The following ZNF469 variants were observed in gnomAD, a reference collection of about 807,000 sequenced individuals.
ZNF469 encodes the protein zinc finger protein 469.
In ZNF469, 1 loss-of-function variant was observed where a neutral mutation model predicts 1.0. The ratio of observed to expected loss-of-function variants is 1.00; its 90% CI spans 0.35 to 4.73. The LOEUF is 4.73. Among genes scored for constraint, ZNF469 ranks in the 30% most tolerant of loss-of-function variants. The pLI, the probability that ZNF469 is intolerant of heterozygous loss-of-function variation, is 0.16. For missense variants in ZNF469, 6,100 were observed against 5,356.3 expected (o/e 1.14, Z -4.33); for synonymous variants, 2,703 against 2,363.4 (o/e 1.14, Z -4.17).
Position 88,434,934 on chromosome 16 carries a change from C to G in ZNF469, c.7464C>G (p.Ser2488Arg). The G allele has an allele frequency of 2.6e-6, 4 of 1,550,120 alleles. No homozygotes were observed. The highest frequency in any genetic ancestry group is 3.5e-6 in the Non-Finnish European group (4 of 1,146,966). Reference sequence around the variant, plus strand: ...CCTTCCGCTCCGGGCCGGGCCTGAGCCGGCACAAGGCCAGGAAGCACCGGC... The same window carrying G: ...CCTTCCGCTCCGGGCCGGGCCTGAGGCGGCACAAGGCCAGGAAGCACCGGC... ...AASFRSGPGL[S>R]RHKARKHRPH... is the part of the protein sequence containing the mutation. The change falls in exon 3 of 3, where the codon AGC becomes AGG. Residue 2488 changes from serine (S) to arginine (R), a missense_variant. Coordinates refer to ENST00000565624, the MANE Select transcript of ZNF469 (RefSeq NM_001367624.2).
At chr16:88,145,923 C>T in the ZNF469 span, among the ~76,000 whole-genome samples, 2 of 152,234 alleles carry the variant, frequency 1.3e-5, no homozygotes, top group East Asian at 1.9e-4. Context: ...CCCAGCGGTC[C>T]GGCCTCTGGG....
chr16:88,313,087 G>A, the ZNF469 span, among the ~76,000 whole-genome samples: 1 of 152,082 alleles, frequency 6.6e-6, no homozygotes, highest in Non-Finnish European at 1.5e-5. Context: ...TCAGTGTTAG[G>A]GTCTTCCCTT....
the ZNF469 span, among the ~76,000 whole-genome samples, chr16:88,146,158 C>G: frequency 2.0e-5 from 3 of 152,226 alleles, no homozygotes; most frequent in Non-Finnish European, 4.4e-5. Context: ...ACAGTCCAGG[C>G]TGCTCAGGCA....
At chr16:88,285,954 CT>C in the ZNF469 span, among the ~76,000 whole-genome samples, 1 of 152,266 alleles carries the variant, frequency 6.6e-6, no homozygotes, top group African/African-American at 2.4e-5. Context: ...AGGCCGCTCA[CT>C]CTGGCATTGT....
chr16:88,439,267 A>G lies in ZNF469; in HGVS notation c.11797A>G (p.Ser3933Gly), dbSNP rs1906838745. The part of the protein sequence containing the change: ...RTAEAQSDLL[S>G]QLFGQRLTGF... ...GGCCGAGGCCCAGAGTGACCTCCTC[A>G]GCCAGCTCTTCGGGCAGAGACTAAC... Residue 3933 changes from serine (S) to glycine (G), a missense_variant, in exon 3 of 3, where the codon AGC becomes GGC. Physicochemically the swap from Ser to Gly is moderately conservative, Grantham distance 56 (BLOSUM62 0). Coordinates refer to ENST00000565624, the MANE Select transcript of ZNF469 (RefSeq NM_001367624.2). 7.1e-6 allele frequency: 11 copies of G among 1,550,516 alleles called. No individual in the cohort carries two copies. The highest frequency in any genetic ancestry group is 9.6e-6 in the Non-Finnish European group (11 of 1,147,000).
chr16:88,411,503 TGCAAGCAGGCAGGGGTGC>T (rs1905165607), intron 1 of ZNF469, among the ~76,000 whole-genome samples: 3 of 141,338 alleles, frequency 2.1e-5, no homozygotes, highest in African/African-American at 5.3e-5. Context: ...CGGGCAGGGG[TGCAAGCAGGCAGGGGTGC>T]GAGCGGGCAG....
At chr16:88,279,776 C>A in the ZNF469 span, among the ~76,000 whole-genome samples, 1 of 148,516 alleles carries the variant, frequency 6.7e-6, no homozygotes, top group African/African-American at 2.5e-5. Context: ...TATCAGTGCA[C>A]AGTTAGTGCT....
chr16:88,428,797 C>T lies in ZNF469; in HGVS notation c.1327C>T (p.Pro443Ser). Reference protein sequence around the residue: ...PPARLPQLWDPTAAPYPTPPG... With the variant: ...PPARLPQLWDSTAAPYPTPPG... ...CGCCAGGCTGCCCCAGCTGTGGGAC[C>T]CCACAGCAGCCCCTTACCCCACACC... Residue 443 changes from proline to serine, a missense_variant, in exon 3 of 3, where the codon CCC becomes TCC. Pro to Ser is a moderately conservative substitution (Grantham distance 74, BLOSUM62 -1). Transcript: ENST00000565624. The T allele has an allele frequency of 1.9e-6, 3 of 1,546,482 alleles. No homozygotes were observed. The highest frequency in any genetic ancestry group is 2.6e-6 in the Non-Finnish European group (3 of 1,145,906).
the ZNF469 span, among the ~76,000 whole-genome samples, chr16:88,326,182 G>A: frequency 0.057 from 8,646 of 152,284 alleles, 313 homozygotes; most frequent in East Asian, 0.12. Flanking sequence ...GGGACCCAGT[G>A]GGAGGTAATT....
At chr16:88,240,628 A>T in the ZNF469 span, among the ~76,000 whole-genome samples, 1 of 152,102 alleles carries the variant, frequency 6.6e-6, no homozygotes, top group Non-Finnish European at 1.5e-5. Flanking sequence ...ACTGTGTAAG[A>T]TGCAAGGCTG....
the ZNF469 span, among the ~76,000 whole-genome samples, chr16:88,238,771 A>G: frequency 1.3e-5 from 2 of 152,270 alleles, no homozygotes; most frequent in Non-Finnish European, 2.9e-5. Context: ...TGGGGCAGCC[A>G]TGCCCTGTGA....
the ZNF469 span, among the ~76,000 whole-genome samples, chr16:88,119,829 TG>T: frequency 6.6e-6 from 1 of 151,302 alleles, no homozygotes; most frequent in African/African-American, 2.4e-5. Flanking sequence ...TCGTAGGGAG[TG>T]GGGTTAGGGA....
At chr16:88,110,340 C>G in the ZNF469 span, among the ~76,000 whole-genome samples, 4 of 152,256 alleles carry the variant, frequency 2.6e-5, no homozygotes, top group African/African-American at 9.6e-5. Flanking sequence ...TGCCAGTCCG[C>G]TTGGAGAATT....
chr16:88,274,941 G>A, the ZNF469 span, among the ~76,000 whole-genome samples: 3 of 152,176 alleles, frequency 2.0e-5, no homozygotes, highest in Non-Finnish European at 2.9e-5. Flanking sequence ...GCGTATACAC[G>A]CTTGGACACT....
the ZNF469 span, among the ~76,000 whole-genome samples, chr16:88,140,417 G>A: frequency 1.4e-3 from 159 of 113,768 alleles, no homozygotes; most frequent in African/African-American, 8.2e-3. Flanking sequence ...TAGAAATCGG[G>A]GGGTAGCACG....
At chr16:88,317,880 A>G in the ZNF469 span, among the ~76,000 whole-genome samples, 1 of 152,186 alleles carries the variant, frequency 6.6e-6, no homozygotes, top group Non-Finnish European at 1.5e-5. Context: ...GGCCTGTCTC[A>G]GAGCTCGGTG....
At chr16:88,124,249 T>A in the ZNF469 span, among the ~76,000 whole-genome samples, 4 of 152,258 alleles carry the variant, frequency 2.6e-5, no homozygotes, top group African/African-American at 9.6e-5. Flanking sequence ...TTATTTATTT[T>A]TTGAGACAAA....
rs1190378283 is a variant in ZNF469, at chr16:88,438,991, C to T, written c.11521C>T (p.Pro3841Ser). 3.9e-6 allele frequency: 6 copies of T among 1,550,404 alleles called. No homozygotes were observed. Among genetic ancestry groups the T allele is most frequent in the South Asian group, 1.2e-5 (1 of 84,062 alleles). Residue 3841 changes from proline to serine, a missense_variant, in exon 3 of 3, where the codon CCT (proline) becomes TCT (serine). Coordinates refer to ENST00000565624, the MANE Select transcript of ZNF469 (RefSeq NM_001367624.2). ...VGSFGRAPSA[P>S]DKPPRTPRKQ... ...GAGCTTCGGGAGAGCCCCCTCAGCC[C>T]CTGACAAGCCCCCCCGGACCCCTCG...
chr16:88,315,825 A>G, the ZNF469 span, among the ~76,000 whole-genome samples: 2 of 152,128 alleles, frequency 1.3e-5, no homozygotes, highest in Non-Finnish European at 2.9e-5. Flanking sequence ...GGGGTGGGAG[A>G]CACGGAGCAG....
Sources: allele counts gnomAD v4.1 joint callset (sites outside exome capture counted in the v4.1 genomes callset), GRCh38; gene constraint gnomAD v4.1.1; transcripts MANE v1.5; gene names NCBI Gene and HGNC (gene_info 2026-07-23, HGNC 2026-07-21).